The following KPNA1 variants were observed in gnomAD, a reference collection of about 807,000 sequenced individuals.
KPNA1 encodes karyopherin subunit alpha 1, also known as importin subunit alpha-5.
A neutral mutation model predicts 70.5 loss-of-function variants in KPNA1; 10 were observed. The observed-to-expected ratio is 0.14, with a 90% CI of 0.09 to 0.24. KPNA1 has a LOEUF of 0.24. KPNA1 is among the 10% of genes least tolerant of loss of function. The probability of loss-of-function intolerance (pLI) is 1.00; values close to 1 mark genes in which losing one functional copy is unlikely to be tolerated. For missense variants in KPNA1, 397 were observed against 637.9 expected (o/e 0.62, Z 4.07); for synonymous variants, 192 against 221.9 (o/e 0.87, Z 1.20).
Position 122,426,338 on chromosome 3 carries a change from C to A in KPNA1, c.*647G>T, listed in dbSNP as rs1014997613. ...GTTAATTCTTCAGCATTCCTGACAA[C>A]TAGAAAGCACATTCACTGAAGGCTG... On this transcript the variant is annotated 3_prime_UTR_variant, in exon 14 of 14. Coordinates refer to ENST00000344337, the MANE Select transcript of KPNA1 (RefSeq NM_002264.4). 3.3e-5 allele frequency: 5 copies of A among 152,560 alleles called. No individual in the cohort carries two copies. Among genetic ancestry groups the A allele is most frequent in the African/African-American group, 1.2e-4 (5 of 41,400 alleles). 9.5% of individuals were successfully genotyped at this position (152,560 alleles called of 1,614,324 possible).
chr3:122,447,773 T>A (rs1042631436), intron 9 of KPNA1, among the ~76,000 whole-genome samples: 4 of 152,152 alleles, frequency 2.6e-5, no homozygotes, highest in Non-Finnish European at 4.4e-5. Context: ...TTTAGAAAAC[T>A]CCATCGTCTC....
At chr3:122,481,185 G>A (rs1429309849) in intron 2 of KPNA1, among the ~76,000 whole-genome samples, 1 of 152,176 alleles carries the variant, frequency 6.6e-6, no homozygotes, top group Non-Finnish European at 1.5e-5. Flanking sequence ...ATACCGTATA[G>A]TACATACATA....
At chr3:122,430,216 T>TG (rs2075882629) in intron 12 of KPNA1, among the ~76,000 whole-genome samples, 1 of 152,120 alleles carries the variant, frequency 6.6e-6, no homozygotes, top group Admixed American at 6.5e-5. Context: ...CCACTACTAC[T>TG]GCCATCATTC....
At chr3:122,431,105 T>G (rs2075899894) in intron 12 of KPNA1, among the ~76,000 whole-genome samples, 2 of 152,230 alleles carry the variant, frequency 1.3e-5, no homozygotes. Context: ...ACATGTGTTA[T>G]ATATGTATTA....
rs2076207865 is a variant in KPNA1 at position 122,452,067 on chromosome 3, G to A, written c.565-3C>T. On this transcript the variant is annotated splice_region_variant and splice_polypyrimidine_tract_variant and intron_variant, in intron 6 of 13. Transcript: ENST00000344337. ...ATGTTGCCAAGAGCCCAGACTGCCT[G>A]TGAAAGAATCATTCATTAATAAAGG... 9 of 1,594,968 alleles carry A rather than the reference G, an allele frequency of 5.6e-6. No individual in the cohort carries two copies. The highest frequency in any genetic ancestry group is 7.7e-6 in the Non-Finnish European group (9 of 1,163,218).
chr3:122,480,329 C>CA (rs1236454199), intron 2 of KPNA1, among the ~76,000 whole-genome samples: 1 of 152,038 alleles, frequency 6.6e-6, no homozygotes. Flanking sequence ...GCAAATGTAT[C>CA]ACTCCATGGG....
intron 2 of KPNA1, among the ~76,000 whole-genome samples, chr3:122,494,568 A>G (rs895611804): frequency 6.6e-6 from 1 of 152,150 alleles, no homozygotes; most frequent in Non-Finnish European, 1.5e-5. Context: ...AGGTAATGTG[A>G]TACCTCCAGC....
At chr3:122,482,905 T>TGGGAC (rs1041834061) in intron 2 of KPNA1, 2 of 151,994 alleles carry the variant, frequency 1.3e-5, no homozygotes, top group African/African-American at 4.8e-5. Context: ...TGGGACGGGA[T>TGGGAC]GGGACGGGAC....
chr3:122,461,793 T>C (rs1455334431), intron 4 of KPNA1, among the ~76,000 whole-genome samples: 2 of 152,198 alleles, frequency 1.3e-5, no homozygotes, highest in Non-Finnish European at 2.9e-5. Context: ...TTCACGAAGA[T>C]TGACTTGCCA....
intron 2 of KPNA1, among the ~76,000 whole-genome samples, chr3:122,472,491 A>C (rs991259712): frequency 1.3e-5 from 2 of 151,488 alleles, no homozygotes; most frequent in African/African-American, 4.8e-5. Flanking sequence ...AAAAGACAAA[A>C]GATCTAAAAT....
At chr3:122,498,942 G>T (rs1363583746) in intron 1 of KPNA1, among the ~76,000 whole-genome samples, 3 of 152,132 alleles carry the variant, frequency 2.0e-5, no homozygotes, top group Admixed American at 6.5e-5. Flanking sequence ...TTCAGAATAT[G>T]TTTTATACTT....
Position 122,427,278 on chromosome 3 carries a change from T to G in KPNA1, c.1430-106A>C, listed in dbSNP as rs892597569. The G allele has an allele frequency of 1.9e-5, 16 of 860,922 alleles. No individual in the cohort carries two copies. In the East Asian group the frequency reaches 4.0e-4, roughly 21 times the overall value. 53.3% of individuals were successfully genotyped at this position (860,922 alleles called of 1,614,324 possible). A position where few individuals can be genotyped will look rare whatever the true frequency, so the allele number is the denominator to read the frequency against. Reference sequence around the variant, plus strand: ...ATATTTTGTCATATATCTCTGTTCTTGATGTAAAGAAAGATTATTTGTATC... The same window carrying G: ...ATATTTTGTCATATATCTCTGTTCTGGATGTAAAGAAAGATTATTTGTATC... On this transcript the variant is annotated intron_variant, in intron 13 of 13. Coordinates refer to ENST00000344337, the MANE Select transcript of KPNA1 (RefSeq NM_002264.4).
At chr3:122,506,317 C>A (rs2076889659) in intron 1 of KPNA1, among the ~76,000 whole-genome samples, 1 of 151,732 alleles carries the variant, frequency 6.6e-6, no homozygotes, top group South Asian at 2.1e-4. Flanking sequence ...TATTAAAAAC[C>A]AAAACTACAA....
intron 12 of KPNA1, among the ~76,000 whole-genome samples, chr3:122,430,580 T>G (rs2075890379): frequency 6.7e-6 from 1 of 148,620 alleles, no homozygotes; most frequent in Non-Finnish European, 1.5e-5. Flanking sequence ...TGTGTGTGTG[T>G]GGTTTCTCAG....
At chr3:122,511,024 G>T (rs922184802) in intron 1 of KPNA1, among the ~76,000 whole-genome samples, 1 of 152,074 alleles carries the variant, frequency 6.6e-6, no homozygotes, top group Non-Finnish European at 1.5e-5. Context: ...AGCCCTATTT[G>T]AATCCCAACT....
At chr3:122,495,726 C>CAAAAAAAA (rs397876048) in intron 2 of KPNA1, among the ~76,000 whole-genome samples, 3 of 67,936 alleles carry the variant, frequency 4.4e-5, no homozygotes, top group Non-Finnish European at 2.6e-5. Flanking sequence ...CTCTCCTTAG[C>CAAAAAAAA]AAAAAAAAAA....
chr3:122,497,062 G>T (rs2076771383), intron 1 of KPNA1, among the ~76,000 whole-genome samples: 1 of 152,152 alleles, frequency 6.6e-6, no homozygotes, highest in Admixed American at 6.5e-5. Context: ...TGTATTTACA[G>T]CTTGTACAAC....
At chr3:122,460,294 A>C in intron 5 of KPNA1, 2 of 985,124 alleles carry the variant, frequency 2.0e-6, no homozygotes, top group South Asian at 9.4e-5. Context: ...GTAGTTTAGA[A>C]TTTCTAGGAT....
chr3:122,470,433 A>AC (rs201023215), intron 2 of KPNA1, among the ~76,000 whole-genome samples: 3,203 of 152,016 alleles, frequency 0.021, 123 homozygotes, highest in African/African-American at 0.072. Flanking sequence ...AATGGCGTGA[A>AC]CCCGGGGGGT....
Sources: allele counts gnomAD v4.1 joint callset (sites outside exome capture counted in the v4.1 genomes callset), GRCh38; gene constraint gnomAD v4.1.1; transcripts MANE v1.5; gene names NCBI Gene and HGNC (gene_info 2026-07-23, HGNC 2026-07-21).